The following GABBR2 variants were observed in gnomAD, a reference collection of about 807,000 sequenced individuals.
GABBR2 encodes the protein gamma-aminobutyric acid type B receptor subunit 2, also known as G-protein coupled receptor 51.
A neutral mutation model predicts 105.6 loss-of-function variants in GABBR2; 23 were observed. The observed-to-expected ratio is 0.22, with a 90% CI of 0.16 to 0.31. The LOEUF (loss-of-function observed/expected upper bound fraction) is 0.31, where lower values mean the gene tolerates loss of function less well. GABBR2 is among the 10% of genes least tolerant of loss of function. The pLI is 1.00. For missense variants in GABBR2, 734 were observed against 1,245.5 expected (o/e 0.59, Z 6.18); for synonymous variants, 478 against 499.7 (o/e 0.96, Z 0.58).
intron 1 of GABBR2, among the ~76,000 whole-genome samples, chr9:98,592,185 C>T (rs969238100): frequency 1.3e-5 from 2 of 152,122 alleles, no homozygotes; most frequent in African/African-American, 2.4e-5. Flanking sequence ...ATGGCCCCAC[C>T]CAAGTATAAG....
At chr9:98,559,265 G>T (rs1828632628) in intron 2 of GABBR2, among the ~76,000 whole-genome samples, 1 of 151,998 alleles carries the variant, frequency 6.6e-6, no homozygotes, top group South Asian at 2.1e-4. Context: ...CAGTAACTTG[G>T]ACTACAGGCA....
chr9:98,670,455 T>C lies in GABBR2; in HGVS notation c.321+37962A>G, dbSNP rs1302955073. Among the ~76,000 whole-genome samples the C allele has an allele frequency of 2.6e-5, 4 of 152,276 alleles. No individual in the cohort carries two copies. The East Asian group carries it at 7.7e-4, about 29-fold the overall frequency. On this transcript the variant is annotated intron_variant, in intron 1 of 18. Transcript: ENST00000259455. ...GGCGGTTCCCCCCTAAAAATTATCA[T>C]ATGGTCCAGCAATTCTACCTCTACG...
At chr9:98,504,538 A>T (rs890421483) in intron 3 of GABBR2, among the ~76,000 whole-genome samples, 3 of 152,232 alleles carry the variant, frequency 2.0e-5, no homozygotes, top group African/African-American at 7.2e-5. Context: ...AATTCTAATT[A>T]GGTTACGAAA....
At chr9:98,608,837 T>C (rs1233162904) in intron 1 of GABBR2, among the ~76,000 whole-genome samples, 1 of 152,226 alleles carries the variant, frequency 6.6e-6, no homozygotes, top group Non-Finnish European at 1.5e-5. Flanking sequence ...CCTGCTGAAA[T>C]AGAATATAGC....
intron 1 of GABBR2, among the ~76,000 whole-genome samples, chr9:98,654,082 A>G (rs1317847834): frequency 1.3e-5 from 2 of 152,232 alleles, no homozygotes; most frequent in East Asian, 1.9e-4. Flanking sequence ...TCTTACAGCC[A>G]TAACATCGCT....
intron 13 of GABBR2, among the ~76,000 whole-genome samples, chr9:98,316,263 T>C (rs1384006063): frequency 6.6e-6 from 1 of 152,078 alleles, no homozygotes; most frequent in East Asian, 1.9e-4. Flanking sequence ...GCGATTCTCC[T>C]GCCTCAGGCT....
At chr9:98,541,763 A>G in intron 3 of GABBR2, 110 bp downstream of exon 3, 1 of 948,982 alleles carries the variant, frequency 1.1e-6, no homozygotes, top group Non-Finnish European at 1.6e-6. Flanking sequence ...TAACCAACAC[A>G]TGCTTAAAAG....
rs540806127 is a variant in GABBR2 at position 98,475,183 on chromosome 9, T to C, written c.799-1837A>G. Among the ~76,000 whole-genome samples the C allele has an allele frequency of 1.3e-3, 201 of 152,224 alleles. 1 individual carries two copies. Among genetic ancestry groups the C allele is most frequent in the African/African-American group, 4.7e-3 (195 of 41,524 alleles). On this transcript the variant is annotated intron_variant, in intron 5 of 18. Coordinates refer to ENST00000259455, the MANE Select transcript of GABBR2 (RefSeq NM_005458.8). ...CTCATAATGCAACCTCAGATCACAG[T>C]CATTTTTGCAGCAACTACATTACAA...
intron 14 of GABBR2, among the ~76,000 whole-genome samples, chr9:98,310,183 T>C (rs968682422): frequency 6.6e-6 from 1 of 152,166 alleles, no homozygotes; most frequent in African/African-American, 2.4e-5. Context: ...GGCTGAAATA[T>C]GGTGGAGCTG....
At chr9:98,679,960 C>A (rs991316143) in intron 1 of GABBR2, among the ~76,000 whole-genome samples, 1 of 152,204 alleles carries the variant, frequency 6.6e-6, no homozygotes, top group African/African-American at 2.4e-5. Context: ...TTACCTGCAT[C>A]TTTGGGCCTT....
Position 98,577,843 on chromosome 9 carries a change from T to C in GABBR2, c.459+92A>G, listed in dbSNP as rs143492644. 933 of 1,313,102 alleles carry C rather than the reference T, an allele frequency of 7.1e-4. 17 individuals are homozygous for C. In the East Asian group the frequency reaches 0.017, roughly 24 times the overall value. 81.3% of individuals were successfully genotyped at this position (1,313,102 alleles called of 1,614,324 possible). ...TCCAGGAGGCCTGACCCAGGCAACA[T>C]AGAAACCACATTGTACAAGGAATAA... On this transcript the variant is annotated intron_variant, in intron 2 of 18. Transcript: ENST00000259455.
intron 8 of GABBR2, among the ~76,000 whole-genome samples, chr9:98,401,001 C>T (rs978466698): frequency 2.2e-4 from 33 of 152,010 alleles, no homozygotes; most frequent in Non-Finnish European, 4.0e-4. Flanking sequence ...CCTAAAGAAG[C>T]GCGACTGCAC....
At chr9:98,343,656 G>C (rs1430450472) in intron 13 of GABBR2, among the ~76,000 whole-genome samples, 1 of 152,130 alleles carries the variant, frequency 6.6e-6, no homozygotes, top group Non-Finnish European at 1.5e-5. Context: ...TCAGGAGTTT[G>C]AGACCAGCCT....
intron 3 of GABBR2, among the ~76,000 whole-genome samples, chr9:98,504,372 G>A (rs1827464020): frequency 6.6e-6 from 1 of 152,198 alleles, no homozygotes; most frequent in Admixed American, 6.5e-5. Context: ...GAGCTCCAGA[G>A]ATCTCAAGGC....
chr9:98,666,747 A>C (rs996236966), intron 1 of GABBR2, among the ~76,000 whole-genome samples: 6 of 152,192 alleles, frequency 3.9e-5, no homozygotes, highest in Non-Finnish European at 8.8e-5. Context: ...AGAGGGCCTG[A>C]GCAACAGAGA....
chr9:98,662,794 C>T (rs150526685), intron 1 of GABBR2, among the ~76,000 whole-genome samples: 255 of 152,292 alleles, frequency 1.7e-3, no homozygotes, highest in Non-Finnish European at 2.6e-3. Flanking sequence ...TGCTATCATA[C>T]GTGCCCACCC....
At chr9:98,543,358 T>TTATA (rs1046930537) in intron 2 of GABBR2, among the ~76,000 whole-genome samples, 2 of 150,980 alleles carry the variant, frequency 1.3e-5, no homozygotes, top group Admixed American at 1.3e-4. Flanking sequence ...TTAATTTTAT[T>TTATA]TATATATATA....
chr9:98,332,486 G>C (rs1382792855), intron 13 of GABBR2, among the ~76,000 whole-genome samples: 1 of 152,138 alleles, frequency 6.6e-6, no homozygotes, highest in African/African-American at 2.4e-5. Context: ...TTCCCCTATG[G>C]GCACTGGGGC....
chr9:98,394,372 C>T (rs1286534268), intron 8 of GABBR2, 117 bp from the exon 9 acceptor site: 1 of 704,504 alleles, frequency 1.4e-6, no homozygotes, highest in African/African-American at 1.8e-5. Context: ...GCAGGCTTCC[C>T]TTTCTCCAAT....
Sources: gnomAD v4.1 joint callset for allele counts (sites outside exome capture counted in the v4.1 genomes callset) on GRCh38, gnomAD v4.1.1 for gene constraint, MANE v1.5 for transcripts, NCBI Gene and HGNC (gene_info 2026-07-23, HGNC 2026-07-21) for gene names.